The following EFHC2 variants were observed in gnomAD, a reference collection of about 807,000 sequenced individuals.
EFHC2 encodes the protein EF-hand domain containing 2.
In EFHC2, 18 loss-of-function variants were observed where a neutral mutation model predicts 52.7. The ratio of observed to expected loss-of-function variants is 0.34; its 90% CI spans 0.24 to 0.51. The LOEUF (loss-of-function observed/expected upper bound fraction) is 0.51, where lower values mean the gene tolerates loss of function less well. Among genes scored for constraint, EFHC2 ranks in the 20% least tolerant of loss-of-function variants. The pLI is 0.97. For synonymous variants in EFHC2, 203 were observed against 204.1 expected, an observed-to-expected ratio of 0.99 and a Z score of 0.04; for missense variants, 513 against 562.5, an observed-to-expected ratio of 0.91 and a Z score of 0.89.
chrX:44,309,383 G>A (rs1481793835), intron 2 of EFHC2: 3 of 886,604 alleles, frequency 3.4e-6, no homozygotes, highest in East Asian at 3.1e-5. Flanking sequence ...TCTGATACTC[G>A]CCTACTCTCC....
At chrX:44,276,555 C>A (rs1219749679) in intron 2 of EFHC2, among the ~76,000 whole-genome samples, 1 of 112,432 alleles carries the variant, frequency 8.9e-6, no homozygotes, top group African/African-American at 3.2e-5. Context: ...GATCTTCTTA[C>A]AATTAAAGCC....
At position 44,241,869 on chromosome X, in the gene EFHC2, T is replaced by C. The variant is rs191020215; in HGVS notation, c.1280+252A>G. ...TTCGGGAGACAGATATATAGATAGA[T>C]ATGGAAAGGCAACATAGACTAGAGA... On this transcript the variant is annotated intron_variant, in intron 8 of 14. Transcript: ENST00000420999. Among the ~76,000 whole-genome samples, 894 of 112,053 alleles carry C rather than the reference T, an allele frequency of 8.0e-3. 5 individuals carry two copies. Among genetic ancestry groups the C allele is most frequent in the Middle Eastern group, 0.032 (7 of 219 alleles).
intron 7 of EFHC2, among the ~76,000 whole-genome samples, chrX:44,247,777 A>C (rs2147334051): frequency 9.0e-6 from 1 of 111,626 alleles, no homozygotes; most frequent in Admixed American, 9.5e-5. Flanking sequence ...AACTGAACTA[A>C]CCTTACTGGA....
In EFHC2 at chrX:44,343,527, C is replaced by T; in HGVS notation, c.42+20G>A. ...AGACTCCAGCCGGGAGCTGTGACCT[C>T]GGACGCCCTTCCTACTCACGTTGCG... On this transcript the variant is annotated intron_variant, in intron 1 of 14. Transcript: ENST00000420999. The T allele has an allele frequency of 8.4e-7, 1 of 1,188,407 alleles. No homozygotes were observed. The highest frequency in any genetic ancestry group is 1.1e-6 in the Non-Finnish European group (1 of 883,916).
At chrX:44,303,038 C>T (rs12007458) in intron 2 of EFHC2, among the ~76,000 whole-genome samples, 25,421 of 110,291 alleles carry the variant, frequency 0.23, 3,089 homozygotes, top group African/African-American at 0.48. Flanking sequence ...TTAATCCTAC[C>T]GCAGGAAAAT....
At chrX:44,181,550 A>G (rs183642101) in intron 11 of EFHC2, among the ~76,000 whole-genome samples, 71 of 112,698 alleles carry the variant, frequency 6.3e-4, no homozygotes, top group Middle Eastern at 4.6e-3. Context: ...AACTGAAATT[A>G]TCCTGGCTTC....
chrX:44,162,574 C>A (rs578235417), intron 14 of EFHC2, among the ~76,000 whole-genome samples: 6 of 111,364 alleles, frequency 5.4e-5, no homozygotes, highest in Non-Finnish European at 1.9e-5. Flanking sequence ...TCATCCTTTT[C>A]ACCTCTTCCC....
chrX:44,332,672 C>T (rs1286692062), intron 1 of EFHC2, among the ~76,000 whole-genome samples: 1 of 111,150 alleles, frequency 9.0e-6, no homozygotes, highest in African/African-American at 3.3e-5. Context: ...GGAGAATGGT[C>T]TCCTTAGGAG....
intron 2 of EFHC2, among the ~76,000 whole-genome samples, chrX:44,298,716 C>T (rs2147372377): frequency 9.2e-6 from 1 of 109,122 alleles, no homozygotes; most frequent in African/African-American, 3.3e-5. Context: ...CAAAAATTAG[C>T]CAGGCGTGCT....
At chrX:44,302,701 T>A (rs1341203659) in intron 2 of EFHC2, among the ~76,000 whole-genome samples, 1 of 112,104 alleles carries the variant, frequency 8.9e-6, no homozygotes, top group South Asian at 3.7e-4. Flanking sequence ...ATGTAAAACA[T>A]GGGATTAAAA....
At chrX:44,164,461 C>A (rs955477264) in intron 13 of EFHC2, among the ~76,000 whole-genome samples, 5 of 112,095 alleles carry the variant, frequency 4.5e-5, no homozygotes, top group Non-Finnish European at 9.4e-5. Flanking sequence ...AAGCTAGATT[C>A]ATTTTTCTAC....
chrX:44,323,658 G>GTTGTT (rs1216953556), intron 1 of EFHC2, among the ~76,000 whole-genome samples: 1 of 111,336 alleles, frequency 9.0e-6, no homozygotes, highest in Non-Finnish European at 1.9e-5. Flanking sequence ...ATCTTACGGG[G>GTTGTT]TATGAGGCTC....
intron 11 of EFHC2, among the ~76,000 whole-genome samples, chrX:44,197,033 T>C (rs1220577808): frequency 8.9e-6 from 1 of 112,041 alleles, no homozygotes; most frequent in Non-Finnish European, 1.9e-5. Flanking sequence ...ATCTGCAAAA[T>C]GGGAATAATA....
At chrX:44,151,771 G>T (rs2036572167) in intron 14 of EFHC2, among the ~76,000 whole-genome samples, 1 of 111,938 alleles carries the variant, frequency 8.9e-6, no homozygotes, top group South Asian at 3.7e-4. Flanking sequence ...AAGGAAAGCA[G>T]GAAAAGTTGA....
chrX:44,168,299 G>A (rs60793663), intron 13 of EFHC2, among the ~76,000 whole-genome samples: 12,239 of 111,417 alleles, frequency 0.11, 665 homozygotes, highest in African/African-American at 0.2. Flanking sequence ...TTGGGAGGCC[G>A]AGGTGGGCGG....
intron 1 of EFHC2, among the ~76,000 whole-genome samples, chrX:44,321,507 A>G (rs1602216944): frequency 8.9e-6 from 1 of 111,789 alleles, no homozygotes; most frequent in South Asian, 3.8e-4. Context: ...AAGAAGTCCA[A>G]GACTGAGCTT....
intron 2 of EFHC2, among the ~76,000 whole-genome samples, chrX:44,289,224 GTTTC>G (rs746155378): frequency 9.0e-6 from 1 of 111,260 alleles, no homozygotes; most frequent in Non-Finnish European, 1.9e-5. Context: ...TATTATATAT[GTTTC>G]TTTCTACTAC....
At chrX:44,331,383 G>C (rs2038085585) in intron 1 of EFHC2, among the ~76,000 whole-genome samples, 1 of 111,894 alleles carries the variant, frequency 8.9e-6, no homozygotes, top group South Asian at 3.7e-4. Flanking sequence ...GTAGGGTTGG[G>C]GGAGTTGGTG....
intron 2 of EFHC2, among the ~76,000 whole-genome samples, chrX:44,290,086 G>C (rs1333866232): frequency 3.6e-5 from 4 of 111,769 alleles, no homozygotes; most frequent in Non-Finnish European, 7.5e-5. Context: ...TAATTCTTTA[G>C]GAACAATTGT....
Sources: gnomAD v4.1 joint callset for allele counts (sites outside exome capture counted in the v4.1 genomes callset) on GRCh38, gnomAD v4.1.1 for gene constraint, MANE v1.5 for transcripts, NCBI Gene and HGNC (gene_info 2026-07-23, HGNC 2026-07-21) for gene names.